The following CDH18 variants were observed in gnomAD, a reference collection of about 807,000 sequenced individuals.
CDH18 encodes cadherin 18.
Under a neutral mutation model 67.9 loss-of-function variants are expected in CDH18, and 31 were observed. The observed-to-expected ratio is 0.46, with a 90% CI of 0.34 to 0.62. The LOEUF (loss-of-function observed/expected upper bound fraction) is 0.62. Ranked by LOEUF, CDH18 falls within the 20% of genes least tolerant of loss-of-function variation. CDH18 has a pLI of 0.01. For missense variants in CDH18, 890 were observed against 975.5 expected, an observed-to-expected ratio of 0.91 and a Z score of 1.17; for synonymous variants, 362 against 347.2, an observed-to-expected ratio of 1.04 and a Z score of -0.48.
intron 5 of CDH18, among the ~76,000 whole-genome samples, chr5:19,681,116 A>T (rs1760248999): frequency 6.6e-6 from 1 of 152,018 alleles, no homozygotes; most frequent in African/African-American, 2.4e-5. Flanking sequence ...TTGCAGCAAC[A>T]CGGATAGAAC....
At chr5:20,541,268 A>G (rs960603837) in intron 1 of CDH18, among the ~76,000 whole-genome samples, 5 of 152,176 alleles carry the variant, frequency 3.3e-5, no homozygotes, top group African/African-American at 1.2e-4. Context: ...CTGCCTACTT[A>G]GAAAGCTTTT....
intron 2 of CDH18, among the ~76,000 whole-genome samples, chr5:20,191,125 G>A (rs1240952805): frequency 6.6e-6 from 1 of 152,108 alleles, no homozygotes; most frequent in East Asian, 1.9e-4. Flanking sequence ...GATTTTTAAT[G>A]ATGTTTTTCT....
chr5:20,457,977 C>G (rs1750961774), intron 1 of CDH18, among the ~76,000 whole-genome samples: 1 of 152,110 alleles, frequency 6.6e-6, no homozygotes, highest in Admixed American at 6.5e-5. Context: ...ATTCAGTTGA[C>G]TAAGAAAATT....
intron 2 of CDH18, among the ~76,000 whole-genome samples, chr5:20,161,357 G>T (rs1735876557): frequency 1.3e-5 from 2 of 152,252 alleles, no homozygotes; most frequent in South Asian, 4.1e-4. Flanking sequence ...GAAGTTGATT[G>T]CTAAAGGGAG....
At chr5:20,400,059 T>C (rs772215322) in intron 1 of CDH18, among the ~76,000 whole-genome samples, 5 of 152,210 alleles carry the variant, frequency 3.3e-5, no homozygotes, top group African/African-American at 1.2e-4. Flanking sequence ...GAAAACCTGC[T>C]GTGTGGTATC....
At chr5:20,244,188 T>C (rs890886255) in intron 2 of CDH18, among the ~76,000 whole-genome samples, 2 of 149,770 alleles carry the variant, frequency 1.3e-5, no homozygotes, top group African/African-American at 4.9e-5. Context: ...CAACCTCCGC[T>C]GAAGGTGGCT....
At chr5:20,206,134 AC>A in intron 2 of CDH18, among the ~76,000 whole-genome samples, 1 of 152,022 alleles carries the variant, frequency 6.6e-6, no homozygotes, top group African/African-American at 2.4e-5. Flanking sequence ...AATAAATAAA[AC>A]CAGAAATGAA....
At chr5:20,326,724 G>A (rs1156886511) in intron 1 of CDH18, among the ~76,000 whole-genome samples, 3 of 151,858 alleles carry the variant, frequency 2.0e-5, no homozygotes, top group East Asian at 1.9e-4. Context: ...ATTTTTTTTA[G>A]TAAAGACAGG....
At chr5:19,872,543 C>G (rs776965384) in intron 2 of CDH18, among the ~76,000 whole-genome samples, 2 of 152,130 alleles carry the variant, frequency 1.3e-5, no homozygotes, top group Admixed American at 1.3e-4. Flanking sequence ...CTTGAAGATG[C>G]AAGCTGCCAT....
chr5:19,674,785 T>G (rs910205769), intron 5 of CDH18, among the ~76,000 whole-genome samples: 1 of 152,144 alleles, frequency 6.6e-6, no homozygotes, highest in African/African-American at 2.4e-5. Flanking sequence ...TTTGGAAGGA[T>G]TCTTAGCTTT....
At chr5:20,338,262 T>A (rs189289621) in intron 1 of CDH18, among the ~76,000 whole-genome samples, 1 of 152,368 alleles carries the variant, frequency 6.6e-6, no homozygotes, top group Non-Finnish European at 1.5e-5. Context: ...TTAATTTTCT[T>A]CTGTTAGGAG....
intron 2 of CDH18, among the ~76,000 whole-genome samples, chr5:20,014,201 G>C (rs1030245047): frequency 1.3e-5 from 2 of 152,060 alleles, no homozygotes; most frequent in Non-Finnish European, 2.9e-5. Context: ...TACAAGAAAA[G>C]TCTTTGTGCT....
At chr5:19,971,848 T>TA (rs751140217) in intron 2 of CDH18, among the ~76,000 whole-genome samples, 1,817 of 108,038 alleles carry the variant, frequency 0.017, 53 homozygotes, top group African/African-American at 0.062. Context: ...ACTTAAACGT[T>TA]AAAAAAAAAA....
chr5:20,510,072 G>A (rs1442871915), intron 1 of CDH18, among the ~76,000 whole-genome samples: 2 of 151,810 alleles, frequency 1.3e-5, no homozygotes, highest in African/African-American at 4.8e-5. Context: ...CATCTTTTTG[G>A]TAATAGCCAA....
chr5:19,759,019 G>A (rs1055335512), intron 3 of CDH18, among the ~76,000 whole-genome samples: 3 of 152,226 alleles, frequency 2.0e-5, no homozygotes, highest in Non-Finnish European at 4.4e-5. Context: ...TATATTGCTG[G>A]CCTTGCCAGC....
chr5:20,545,843 G>A (rs1581180021), intron 1 of CDH18, among the ~76,000 whole-genome samples: 1 of 152,116 alleles, frequency 6.6e-6, no homozygotes, highest in Admixed American at 6.5e-5. Flanking sequence ...CACAGAAAAT[G>A]GGTTTTTCCT....
At chr5:19,776,027 G>A (rs1019912696) in intron 3 of CDH18, among the ~76,000 whole-genome samples, 3 of 151,824 alleles carry the variant, frequency 2.0e-5, no homozygotes, top group Non-Finnish European at 4.4e-5. Context: ...AAATTATACT[G>A]TACACAAAAT....
intron 1 of CDH18, among the ~76,000 whole-genome samples, chr5:20,414,521 C>T (rs1359204820): frequency 1.3e-5 from 2 of 152,186 alleles, no homozygotes; most frequent in African/African-American, 4.8e-5. Flanking sequence ...TTCACTCTCT[C>T]ACTCTTTGGG....
intron 10 of CDH18, among the ~76,000 whole-genome samples, chr5:19,503,687 A>T (rs1743632504): frequency 6.6e-6 from 1 of 152,134 alleles, no homozygotes; most frequent in Non-Finnish European, 1.5e-5. Context: ...TCCGTGATTT[A>T]TGAATAACTT....
Sources: allele counts gnomAD v4.1 joint callset (sites outside exome capture counted in the v4.1 genomes callset), GRCh38; gene constraint gnomAD v4.1.1; transcripts MANE v1.5; gene names NCBI Gene and HGNC (gene_info 2026-07-23, HGNC 2026-07-21).